Variants in AKR1C8 observed in about 807,000 individuals in gnomAD.
The protein encoded by AKR1C8 is aldo-keto reductase family 1 member C-like protein 1.
the AKR1C8 span, among the ~76,000 whole-genome samples, chr10:5,125,213 GT>G: frequency 6.6e-6 from 1 of 151,754 alleles, no homozygotes; most frequent in African/African-American, 2.4e-5. Flanking sequence ...TTCATCTGCT[GT>G]TTATGGTTAA....
chr10:5,129,533 AC>A, the AKR1C8 span, among the ~76,000 whole-genome samples: 1 of 152,098 alleles, frequency 6.6e-6, no homozygotes. Context: ...AGTGAGATTA[AC>A]CAAGAAAAGG....
chr10:5,161,454 T>C, the AKR1C8 span, among the ~76,000 whole-genome samples: 3 of 152,178 alleles, frequency 2.0e-5, no homozygotes, highest in Non-Finnish European at 4.4e-5. Context: ...GAAGGGTACA[T>C]ACGGGAGACC....
the AKR1C8 span, among the ~76,000 whole-genome samples, chr10:5,144,927 G>A: frequency 1.3e-5 from 2 of 152,092 alleles, no homozygotes; most frequent in South Asian, 4.2e-4. Flanking sequence ...AGTGGTGAGA[G>A]AGGGCATCCC....
At chr10:5,132,795 T>G in the AKR1C8 span, 2 of 1,071,210 alleles carry the variant, frequency 1.9e-6, no homozygotes, top group South Asian at 1.5e-5. Context: ...AAAGTAGTAT[T>G]TGGTGATCAA....
the AKR1C8 span, among the ~76,000 whole-genome samples, chr10:5,128,641 A>G: frequency 0.031 from 4,792 of 152,178 alleles, 254 homozygotes; most frequent in African/African-American, 0.11. Context: ...TGCTACTCTT[A>G]TATCAGACAA....
the AKR1C8 span, among the ~76,000 whole-genome samples, chr10:5,181,692 T>C: frequency 5.3e-5 from 8 of 152,226 alleles, no homozygotes; most frequent in Non-Finnish European, 1.2e-4. Context: ...TCTAAGATTC[T>C]AATGTCTAAA....
chr10:5,161,009 G>A, the AKR1C8 span: 1 of 408,994 alleles, frequency 2.4e-6, no homozygotes, highest in Non-Finnish European at 4.9e-6. Context: ...ATTAATCTGA[G>A]TGCACATATT....
chr10:5,160,485 CATG>C, the AKR1C8 span, among the ~76,000 whole-genome samples: 1 of 152,290 alleles, frequency 6.6e-6, no homozygotes, highest in African/African-American at 2.4e-5. Flanking sequence ...GTCCCTCCTC[CATG>C]ATGTGTTTCT....
the AKR1C8 span, among the ~76,000 whole-genome samples, chr10:5,139,320 C>A: frequency 6.6e-6 from 1 of 151,986 alleles, no homozygotes; most frequent in Non-Finnish European, 1.5e-5. Flanking sequence ...CATATGGAAC[C>A]AAAAAAGAGC....
chr10:5,185,072 C>A, the AKR1C8 span: 2 of 534,808 alleles, frequency 3.7e-6, no homozygotes, highest in Non-Finnish European at 7.7e-6. Context: ...CATTCAGCCT[C>A]ACTGAATGGC....
chr10:5,147,556 G>A, the AKR1C8 span, among the ~76,000 whole-genome samples: 1 of 152,056 alleles, frequency 6.6e-6, no homozygotes, highest in Non-Finnish European at 1.5e-5. Context: ...AAATGGTGTG[G>A]GTAAAGTCAG....
At chr10:5,160,421 G>A in the AKR1C8 span, among the ~76,000 whole-genome samples, 1 of 152,026 alleles carries the variant, frequency 6.6e-6, no homozygotes, top group Non-Finnish European at 1.5e-5. Context: ...GGTTTTTCAA[G>A]GGCAGGTTCA....
the AKR1C8 span, among the ~76,000 whole-genome samples, chr10:5,161,451 A>G: frequency 6.6e-6 from 1 of 152,208 alleles, no homozygotes; most frequent in Non-Finnish European, 1.5e-5. Flanking sequence ...GCTGAAGGGT[A>G]CATACGGGAG....
At chr10:5,153,525 C>A in the AKR1C8 span, among the ~76,000 whole-genome samples, 10 of 152,206 alleles carry the variant, frequency 6.6e-5, no homozygotes, top group Non-Finnish European at 1.0e-4. Flanking sequence ...GACTGGGTAA[C>A]TTTTATAAAA....
At chr10:5,117,988 C>A in the AKR1C8 span, among the ~76,000 whole-genome samples, 1 of 152,094 alleles carries the variant, frequency 6.6e-6, no homozygotes, top group African/African-American at 2.4e-5. Context: ...TGCCCCTGAT[C>A]CATAACCTCA....
At chr10:5,140,235 GT>G in the AKR1C8 span, among the ~76,000 whole-genome samples, 1 of 152,206 alleles carries the variant, frequency 6.6e-6, no homozygotes. Context: ...GGAAGACAGT[GT>G]GGCGATTTCT....
chr10:5,151,042 T>C, the AKR1C8 span, among the ~76,000 whole-genome samples: 1 of 151,866 alleles, frequency 6.6e-6, no homozygotes, highest in East Asian at 1.9e-4. Flanking sequence ...TGTTGATTGG[T>C]TGGGTTGGAG....
chr10:5,132,807 G>T, the AKR1C8 span: 1 of 890,250 alleles, frequency 1.1e-6, no homozygotes, highest in Non-Finnish European at 1.7e-6. Context: ...GGTGATCAAT[G>T]TGCTCAACAG....
the AKR1C8 span, chr10:5,123,851 A>G: frequency 3.1e-6 from 5 of 1,592,782 alleles, no homozygotes; most frequent in Non-Finnish European, 4.3e-6. Flanking sequence ...AAAACATCAG[A>G]TAATATGAAA....
Sources: gnomAD v4.1 joint callset for allele counts (sites outside exome capture counted in the v4.1 genomes callset) on GRCh38, gnomAD v4.1.1 for gene constraint, MANE v1.5 for transcripts, NCBI Gene and HGNC (gene_info 2026-07-23, HGNC 2026-07-21) for gene names.